TLE2: variants seen among roughly 807,000 people sequenced by gnomAD.
TLE2 encodes the protein transducin-like enhancer protein 2.
A neutral mutation model predicts 97.2 loss-of-function variants in TLE2; 74 were observed. The observed-to-expected ratio is 0.76, with a 90% CI of 0.63 to 0.92. The LOEUF (loss-of-function observed/expected upper bound fraction) is 0.92. Ranked by LOEUF, TLE2 falls within the 40% of genes least tolerant of loss-of-function variation. The pLI is 0.00. For missense variants in TLE2, 1,038 were observed against 1,008.7 expected (o/e 1.03, Z -0.39); for synonymous variants, 499 against 432.1 (o/e 1.15, Z -1.92).
rs761416861 is a variant in TLE2, at chr19:3,008,960, G to GC, written c.1174-16_1174-15insG. 6.4e-7 allele frequency: 1 copy of GC among 1,563,622 alleles called. No individual in the cohort carries two copies. Among genetic ancestry groups the GC allele is most frequent in the East Asian group, 2.4e-5 (1 of 41,766 alleles). ...TCAAATGCCATCTGTGAGAATGCCA[G>GC]GGGGGTGTCAGTGAGGCAGGTGACT... On this transcript the variant is annotated splice_polypyrimidine_tract_variant and intron_variant, in intron 13 of 19. Coordinates refer to ENST00000262953, the MANE Select transcript of TLE2 (RefSeq NM_003260.5).
intron 15 of TLE2, 67 bp downstream of exon 15, chr19:3,006,352 CG>C (rs2089477257): frequency 6.4e-7 from 1 of 1,558,308 alleles, no homozygotes; most frequent in Admixed American, 1.7e-5. Context: ...CTGCGAACAC[CG>C]CCCCATTGGA....
chr19:3,025,541 C>G (rs2089928458), intron 4 of TLE2: 1 of 989,920 alleles, frequency 1.0e-6, no homozygotes, highest in African/African-American at 1.7e-5. Flanking sequence ...CTCCGCTTCC[C>G]AGGACTGATC....
Position 3,009,645 on chromosome 19 carries a change from G to T in TLE2, c.1070C>A (p.Ser357Tyr), listed in dbSNP as rs951225977. Residue 357 changes from serine to tyrosine, a missense_variant, in exon 13 of 20, where the codon TCC (serine) becomes TAC (tyrosine). Physicochemically the swap from Ser to Tyr is moderately radical, Grantham distance 144 (BLOSUM62 -2). Coordinates refer to ENST00000262953, the MANE Select transcript of TLE2 (RefSeq NM_003260.5). The stretch of plus-strand genomic sequence containing the variant: ...GAGGTCTCCGTTGAGAGTGCTGTGG[G>T]AGCCCAGGCTGAAGGACGTGGTGAA... Reference protein sequence around the residue: ...SPFTTSFSLGSHSTLNGDLSV... With the variant: ...SPFTTSFSLGYHSTLNGDLSV... The T allele has an allele frequency of 1.9e-6, 3 of 1,613,006 alleles. No individual in the cohort carries two copies. The highest frequency in any genetic ancestry group is 2.5e-6 in the Non-Finnish European group (3 of 1,179,618).
intron 5 of TLE2, among the ~76,000 whole-genome samples, chr19:3,022,856 T>C (rs1421704903): frequency 6.6e-6 from 1 of 151,910 alleles, no homozygotes; most frequent in East Asian, 1.9e-4. Flanking sequence ...AGGCCAGAGG[T>C]CTCTGTTGCA....
rs755989692 is a variant in TLE2, at chr19:2,997,743, T to TGTAC, written c.*101_*104dup. 15 of 795,388 alleles carry TGTAC rather than the reference T, an allele frequency of 1.9e-5. No homozygotes were observed. Among genetic ancestry groups the TGTAC allele is most frequent in the Non-Finnish European group, 3.2e-5 (15 of 470,854 alleles). 49.3% of individuals were successfully genotyped at this position (795,388 alleles called of 1,614,324 possible). A position where few individuals can be genotyped will look rare whatever the true frequency, so the allele number is the denominator to read the frequency against. On this transcript the variant is annotated 3_prime_UTR_variant, in exon 20 of 20. Transcript: ENST00000262953. Reference sequence around the variant, plus strand: ...GCCGTTGGCCAGAGAGCAGATGGGATGTACGGTTCCTAGGCAGGGCTGGGA... The same window carrying TGTAC: ...GCCGTTGGCCAGAGAGCAGATGGGATGTACGTACGGTTCCTAGGCAGGGCTGGGA...
At chr19:3,039,370 C>T (rs1029933109) in intron 1 of TLE2, among the ~76,000 whole-genome samples, 2 of 152,114 alleles carry the variant, frequency 1.3e-5, no homozygotes, top group Non-Finnish European at 2.9e-5. Flanking sequence ...CTCCTCTCAC[C>T]TCCTCCCACT....
At chr19:3,032,891 T>C (rs1396906032), upstream of TLE2, among the ~76,000 whole-genome samples, 1 of 151,868 alleles carries the variant, frequency 6.6e-6, no homozygotes, top group African/African-American at 2.4e-5. The surrounding 1 kb of genome is among the most constrained non-coding windows in gnomAD (Gnocchi z 4.1). Context: ...TGGTAGCCTC[T>C]GTCCTCATTG....
At position 3,002,345 on chromosome 19, in the gene TLE2, A is replaced by G. The variant is rs761803422; in HGVS notation, c.2047+8T>C. 3 of 1,603,364 alleles carry G rather than the reference A, an allele frequency of 1.9e-6. No individual in the cohort carries two copies. In the South Asian group the frequency reaches 3.3e-5, roughly 18 times the overall value. The stretch of plus-strand genomic sequence containing the variant: ...TGAGGGCGTGCCACCCCGCCCCAGA[A>G]GACACACCGCAGGAGGCAAACTTCA... On this transcript the variant is annotated splice_region_variant and intron_variant, in intron 18 of 19. Coordinates refer to ENST00000262953, the MANE Select transcript of TLE2 (RefSeq NM_003260.5).
At position 2,997,669 on chromosome 19, in the gene TLE2, C is replaced by A; in HGVS notation, c.*179G>T. The A allele has an allele frequency of 1.7e-6, 1 of 582,666 alleles. No homozygotes were observed. The allele number at this position is 582,666 out of a possible 1,614,324, so 36.1% of individuals were successfully genotyped here. A position where few individuals can be genotyped will look rare whatever the true frequency, so the allele number is the denominator to read the frequency against. On this transcript the variant is annotated 3_prime_UTR_variant, in exon 20 of 20. Transcript: ENST00000262953. ...TGTGATAGATACATTTTATTTCCAC[C>A]GAGGTCCCCTGCCCATCGGCCCCCA...
rs746991756 is a variant in TLE2, at chr19:2,997,915, C to T, written c.2165G>A (p.Arg722Lys). ...GCCTGTCACGATGTATTTGTTATTTCTGGAGATGTCACAACTCAGGACTGA... is the reference window on the plus strand; with the variant it reads ...GCCTGTCACGATGTATTTGTTATTTTTGGAGATGTCACAACTCAGGACTGA... The part of the protein sequence containing the change: ...SSSVLSCDIS[R>K]NNKYIVTGSG... Residue 722 changes from arginine to lysine, a missense_variant, in exon 20 of 20, where the codon AGA becomes AAA. Arg to Lys is a conservative substitution (Grantham distance 26, BLOSUM62 2). Coordinates refer to ENST00000262953, the MANE Select transcript of TLE2 (RefSeq NM_003260.5). 4.1e-5 allele frequency: 66 copies of T among 1,613,192 alleles called. No homozygotes were observed. The highest frequency in any genetic ancestry group is 1.7e-4 in the Admixed American group (10 of 59,870).
chr19:3,006,572 G>A lies in TLE2; in HGVS notation c.1348C>T (p.Gln450Ter). ...VGAGIPRHAR[Q>*]LHTLAHGEVV... ...TCGCCATGGGCCAGCGTGTGCAGCT[G>A]CCGGGCGTGCCGCGGGATGCCCGCG... The change falls in exon 15 of 20, where the codon CAG becomes TAG. Residue 450 changes from glutamine to a stop codon, truncating the protein, a stop_gained. Transcript: ENST00000262953. LOFTEE classifies it high-confidence loss of function. 6.2e-7 allele frequency: 1 copy of A among 1,602,774 alleles called. No individual in the cohort carries two copies. The highest frequency in any genetic ancestry group is 8.5e-7 in the Non-Finnish European group (1 of 1,175,770).
At chr19:3,011,190 C>T in intron 11 of TLE2, 30 bp from the exon 12 acceptor site, 1 of 1,543,078 alleles carries the variant, frequency 6.5e-7, no homozygotes, top group Non-Finnish European at 8.7e-7. Context: ...CTGAAGGCCA[C>T]CAGGCACCTG....
chr19:3,013,639 T>C (rs1235503704), intron 11 of TLE2, 30 bp downstream of exon 11: 2 of 1,344,128 alleles, frequency 1.5e-6, no homozygotes, highest in South Asian at 2.5e-5. Context: ...ATGAATAAAG[T>C]GAGTTTCAAG....
At chr19:3,013,917 G>GGGGT in intron 10 of TLE2, 99 bp from the exon 11 acceptor site, 7 of 1,195,942 alleles carry the variant, frequency 5.9e-6, no homozygotes, top group Non-Finnish European at 7.6e-6. Flanking sequence ...TCTCTAGAAT[G>GGGGT]GGTACCCATG....
rs1245873776 is a variant in TLE2 at position 3,019,907 on chromosome 19, T to TC, written c.295-135dup. 1.7e-6 allele frequency: 2 copies of TC among 1,192,162 alleles called. No homozygotes were observed. Among genetic ancestry groups the TC allele is most frequent in the Non-Finnish European group, 2.3e-6 (2 of 862,044 alleles). 73.8% of individuals were successfully genotyped at this position (1,192,162 alleles called of 1,614,324 possible). ...ACTTCCCATTTCTCTTTTATCTTTT[T>TC]CCCTCTCACTCTCTCCCTTTCCTTT... On this transcript the variant is annotated intron_variant, in intron 5 of 19. Transcript: ENST00000262953. This position sits in a 1 kb window ranked among gnomAD's most constrained non-coding sequence, Gnocchi z 5.1.
intron 4 of TLE2, chr19:3,025,579 G>A (rs1380824449): frequency 1.0e-6 from 1 of 986,772 alleles, no homozygotes; most frequent in Non-Finnish European, 1.2e-6. Flanking sequence ...TCCAGGTGGA[G>A]ATCTCAGCAC....
rs1229902966 is a variant in TLE2 at position 3,011,061 on chromosome 19, G to A, written c.973C>T (p.Gln325Ter). Residue 325 changes from glutamine to a stop codon, truncating the protein, a stop_gained, in exon 12 of 20, where the codon CAG becomes TAG. Transcript: ENST00000262953. LOFTEE classifies it high-confidence loss of function. ...GAAGGTGCTGGCTTGGCAGCAAGCT[G>A]GCAGAGGTGACTGGCCGAGCTGGGC... ...PGPSSASHLCQLAAKPAPSTD... is the reference protein window; with the variant it reads ...PGPSSASHLC 6.2e-7 allele frequency: 1 copy of A among 1,607,246 alleles called. No individual in the cohort carries two copies. The highest frequency in any genetic ancestry group is 1.3e-5 in the African/African-American group (1 of 74,792).
intron 13 of TLE2, 120 bp from the exon 14 acceptor site, chr19:3,009,065 G>A: frequency 1.4e-6 from 1 of 711,770 alleles, no homozygotes; most frequent in Non-Finnish European, 2.2e-6. Flanking sequence ...CAGCAGAGAT[G>A]CCTTCTCTCT....
At chr19:3,001,789 TTC>T (rs1311064971) in intron 18 of TLE2, among the ~76,000 whole-genome samples, 2 of 125,616 alleles carry the variant, frequency 1.6e-5, no homozygotes, top group African/African-American at 3.1e-5. Context: ...TTTCTTTTCT[TTC>T]TTTTTTTTTT....
Sources: gnomAD v4.1 joint callset for allele counts (sites outside exome capture counted in the v4.1 genomes callset) on GRCh38, gnomAD v4.1.1 for gene constraint, Gnocchi (gnomAD v3.1) non-coding constraint, MANE v1.5 for transcripts, NCBI Gene and HGNC (gene_info 2026-07-23, HGNC 2026-07-21) for gene names.